KAZN: variants seen among roughly 807,000 people sequenced by gnomAD.
The protein encoded by KAZN is kazrin, periplakin interacting protein.
A neutral mutation model predicts 87.4 loss-of-function variants in KAZN; 40 were observed. The ratio of observed to expected loss-of-function variants is 0.46; its 90% CI spans 0.36 to 0.60. KAZN has a LOEUF of 0.60. Ranked by LOEUF, KAZN falls within the 20% of genes least tolerant of loss-of-function variation. The probability of loss-of-function intolerance (pLI) is 0.00; values close to 1 mark genes in which losing one functional copy is unlikely to be tolerated. For synonymous variants in KAZN, 466 were observed against 458.3 expected (o/e 1.02, Z -0.22); for missense variants, 898 against 1,073.9 (o/e 0.84, Z 2.29).
intron 1 of KAZN, among the ~76,000 whole-genome samples, chr1:14,860,337 G>A (rs111722620): frequency 5.3e-5 from 8 of 151,874 alleles, no homozygotes; most frequent in South Asian, 2.1e-4. Flanking sequence ...GATTACAGGC[G>A]TGCACCACCA....
At chr1:13,932,321 C>T (rs1640551633) in intron 1 of KAZN, among the ~76,000 whole-genome samples, 1 of 138,178 alleles carries the variant, frequency 7.2e-6, no homozygotes, top group South Asian at 2.2e-4. Context: ...AGTGCAGTGG[C>T]GGGATCTCGG....
At chr1:14,627,898 C>T (rs1490628000) in intron 1 of KAZN, among the ~76,000 whole-genome samples, 5 of 152,104 alleles carry the variant, frequency 3.3e-5, no homozygotes, top group Admixed American at 3.3e-4. Context: ...GCCCATCAGG[C>T]GTCTACTTGG....
chr1:14,852,232 G>A (rs977700891), intron 1 of KAZN, among the ~76,000 whole-genome samples: 3 of 152,330 alleles, frequency 2.0e-5, no homozygotes, highest in Non-Finnish European at 2.9e-5. Flanking sequence ...CCAGGTGTTT[G>A]CATTTGAGAG....
intron 1 of KAZN, among the ~76,000 whole-genome samples, chr1:13,979,744 T>C (rs569716517): frequency 6.6e-6 from 1 of 152,048 alleles, no homozygotes; most frequent in African/African-American, 2.4e-5. Flanking sequence ...CTGGCTAACA[T>C]GGTGAAACCC....
chr1:14,273,960 A>C (rs1352625490), intron 2 of KAZN, among the ~76,000 whole-genome samples: 1 of 152,216 alleles, frequency 6.6e-6, no homozygotes, highest in African/African-American at 2.4e-5. Context: ...GTCATAGAAG[A>C]AGCCAAATTC....
intron 2 of KAZN, among the ~76,000 whole-genome samples, chr1:14,531,745 C>A (rs1191649185): frequency 6.6e-6 from 1 of 152,210 alleles, no homozygotes; most frequent in Non-Finnish European, 1.5e-5. Context: ...ACATGTTCGA[C>A]TGAACAGCAA....
intron 1 of KAZN, among the ~76,000 whole-genome samples, chr1:14,086,407 C>T (rs537031319): frequency 1.3e-4 from 20 of 152,254 alleles, no homozygotes; most frequent in Admixed American, 1.0e-3. Context: ...TGTTTCCATG[C>T]GGTCTCATTA....
At chr1:14,812,522 G>A (rs1218002163) in intron 1 of KAZN, among the ~76,000 whole-genome samples, 1 of 152,126 alleles carries the variant, frequency 6.6e-6, no homozygotes, top group African/African-American at 2.4e-5. Context: ...GGAATTTTTT[G>A]TTGTGTTTTG....
At chr1:15,036,595 G>A (rs1184407195) in intron 3 of KAZN, among the ~76,000 whole-genome samples, 1 of 152,058 alleles carries the variant, frequency 6.6e-6, no homozygotes, top group Non-Finnish European at 1.5e-5. Context: ...CATGGGCCTG[G>A]GGTGCAGCTC....
At chr1:15,092,072 G>GTTTTTTTTTTTTTTTTTTTT (rs1557791969) in intron 8 of KAZN, among the ~76,000 whole-genome samples, 12 of 79,844 alleles carry the variant, frequency 1.5e-4, no homozygotes, top group African/African-American at 2.4e-4. Context: ...TTTTTTTTTT[G>GTTTTTTTTTTTTTTTTTTTT]ATTTTTTTTT....
chr1:14,756,086 T>C (rs1008983469), intron 1 of KAZN, among the ~76,000 whole-genome samples: 1 of 152,158 alleles, frequency 6.6e-6, no homozygotes, highest in African/African-American at 2.4e-5. Context: ...CTAGTTGCCA[T>C]GGCTTTGTTC....
chr1:14,865,478 C>T (rs1176225271), intron 1 of KAZN, among the ~76,000 whole-genome samples: 1 of 152,178 alleles, frequency 6.6e-6, no homozygotes, highest in African/African-American at 2.4e-5. Context: ...CCCATGTCTG[C>T]CATCTGCTGC....
chr1:14,901,254 T>C (rs1053682543), intron 1 of KAZN, among the ~76,000 whole-genome samples: 1 of 151,580 alleles, frequency 6.6e-6, no homozygotes, highest in South Asian at 2.1e-4. Flanking sequence ...GCTCTCCAGG[T>C]AGAAGGTGCA....
intron 1 of KAZN, among the ~76,000 whole-genome samples, chr1:14,643,086 C>A (rs1680530908): frequency 6.7e-6 from 1 of 149,198 alleles, no homozygotes; most frequent in Non-Finnish European, 1.5e-5. Context: ...TGCATAATAA[C>A]CCCAAACTGG....
intron 2 of KAZN, among the ~76,000 whole-genome samples, chr1:14,970,465 T>C (rs1181518696): frequency 2.0e-5 from 3 of 152,208 alleles, no homozygotes; most frequent in Non-Finnish European, 4.4e-5. Context: ...TGACTGACAG[T>C]CTACACATTT....
Position 14,125,085 on chromosome 1 carries a change from G to T in KAZN, c.92-55350G>T, listed in dbSNP as rs530908227. On this transcript the variant is annotated intron_variant, in intron 1 of 16. Coordinates refer to the KAZN transcript ENST00000636203. ...GTCTCCCAGGAAGAGGGAACAGCAG[G>T]TGCCAAAACTGGAAGGCAGGTCTTC... Among the ~76,000 whole-genome samples, 80 of 152,268 alleles carry T rather than the reference G, an allele frequency of 5.3e-4. 1 individual carries two copies. Among genetic ancestry groups the T allele is most frequent in the African/African-American group, 1.8e-3 (76 of 41,558 alleles).
intron 2 of KAZN, among the ~76,000 whole-genome samples, chr1:14,220,472 A>G (rs1647071366): frequency 6.6e-6 from 1 of 152,156 alleles, no homozygotes; most frequent in Admixed American, 6.6e-5. Context: ...GAGAGGACTT[A>G]CATGCTCTTT....
At position 14,735,360 on chromosome 1, in the gene KAZN, C is replaced by T. The variant is rs2050124; in HGVS notation, c.226+136137C>T. On this transcript the variant is annotated intron_variant, in intron 1 of 14. Transcript: ENST00000376030. This position sits in a 1 kb window ranked among gnomAD's most constrained non-coding sequence, Gnocchi z 4.3. The stretch of plus-strand genomic sequence containing the variant: ...CAGGCGTGAGCCACCGCGCCCGGCC[C>T]GTGCTGTTGTTTTCAAAGACACGTT... Among the ~76,000 whole-genome samples, 5 of 151,986 alleles carry T rather than the reference C, an allele frequency of 3.3e-5. No homozygotes were observed. The highest frequency in any genetic ancestry group is 1.2e-4 in the African/African-American group (5 of 41,378).
intron 2 of KAZN, among the ~76,000 whole-genome samples, chr1:14,281,936 A>G (rs1652869655): frequency 6.6e-6 from 1 of 152,168 alleles, no homozygotes; most frequent in Non-Finnish European, 1.5e-5. Context: ...TGGGCAAACC[A>G]GGAAGAGCTG....
Sources: allele counts gnomAD v4.1 joint callset (sites outside exome capture counted in the v4.1 genomes callset), GRCh38; gene constraint gnomAD v4.1.1; non-coding constraint Gnocchi (gnomAD v3.1); transcripts MANE v1.5; gene names NCBI Gene and HGNC (gene_info 2026-07-23, HGNC 2026-07-21).